Variants in GLI1 observed in about 807,000 individuals in gnomAD.
The protein encoded by GLI1 is GLI family zinc finger 1.
A neutral mutation model predicts 87.8 loss-of-function variants in GLI1; 51 were observed. That is an observed-to-expected ratio of 0.58 (90% CI 0.46 to 0.73). The LOEUF (loss-of-function observed/expected upper bound fraction) is 0.73, where lower values mean the gene tolerates loss of function less well. Among genes scored for constraint, GLI1 ranks in the 30% least tolerant of loss-of-function variants. GLI1 has a pLI of 0.00. For missense variants in GLI1, 1,292 were observed against 1,437.2 expected (o/e 0.90, Z 1.63); for synonymous variants, 528 against 558.2 (o/e 0.95, Z 0.76).
At chr12:57,460,736 T>TAA (rs1871082848) in intron 1 of GLI1, among the ~76,000 whole-genome samples, 1 of 125,036 alleles carries the variant, frequency 8.0e-6, no homozygotes, top group African/African-American at 3.2e-5. Context: ...GCTTGTGCTT[T>TAA]AGGGGAAAGG....
rs1871725641 is a variant in GLI1 at position 57,469,520 on chromosome 12, A to T, written c.1398A>T (p.Glu466Asp). 6.2e-7 allele frequency: 1 copy of T among 1,614,170 alleles called. No homozygotes were observed. The highest frequency in any genetic ancestry group is 1.7e-5 in the Admixed American group (1 of 60,012). Residue 466 changes from glutamate (E) to aspartate (D), a missense_variant, in exon 11 of 12, where the codon GAA becomes GAT. Physicochemically the swap from Glu to Asp is conservative, Grantham distance 45. Coordinates refer to ENST00000228682, the MANE Select transcript of GLI1 (RefSeq NM_005269.3). ...CAGCCAATACAGACAGTGGTGTGGA[A>T]ATGACTGGCAATGCAGGGGGCAGCA... is the stretch of plus-strand genomic sequence containing the variant. ...GSAANTDSGV[E>D]MTGNAGGSTE...
In GLI1 at chr12:57,472,067, A is replaced by T. The variant is rs912295731; in HGVS notation, c.*6A>T. The T allele has an allele frequency of 6.8e-7, 1 of 1,471,748 alleles. No homozygotes were observed. Among genetic ancestry groups the T allele is most frequent in the African/African-American group, 1.4e-5 (1 of 70,196 alleles). 91.2% of individuals were successfully genotyped at this position (1,471,748 alleles called of 1,614,324 possible). On this transcript the variant is annotated 3_prime_UTR_variant, in exon 12 of 12. Coordinates refer to ENST00000228682, the MANE Select transcript of GLI1 (RefSeq NM_005269.3). ...TCCTCAACTCTAGTGCCTAAAGAGT[A>T]GGGAATCTCATCCATCACAGATCGC...
At chr12:57,469,767 G>A (rs1871746602) in intron 11 of GLI1, 69 bp downstream of exon 11, 1 of 1,486,884 alleles carries the variant, frequency 6.7e-7, no homozygotes, top group Non-Finnish European at 9.3e-7. Context: ...AGAGGAGGAA[G>A]TCACCCTTGA....
chr12:57,462,040 C>T (rs1367964320), intron 1 of GLI1, among the ~76,000 whole-genome samples: 1 of 152,194 alleles, frequency 6.6e-6, no homozygotes, highest in African/African-American at 2.4e-5. Flanking sequence ...AGCCCCATTT[C>T]CTTGGAGGCT....
Position 57,469,535 on chromosome 12 carries a change from A to C in GLI1, c.1413A>C (p.Ala471=). The part of the protein sequence containing the change: ...TDSGVEMTGN[A]GGSTEDLSSL... ...GTGGTGTGGAAATGACTGGCAATGCAGGGGGCAGCACTGAAGACCTCTCCA... is the reference window on the plus strand; with the variant it reads ...GTGGTGTGGAAATGACTGGCAATGCCGGGGGCAGCACTGAAGACCTCTCCA... Residue 471 remains alanine, a synonymous_variant, in exon 11 of 12, where the codon GCA becomes GCC. Transcript: ENST00000228682. 1 of 1,614,218 alleles carries C rather than the reference A, an allele frequency of 6.2e-7. No individual in the cohort carries two copies. The highest frequency in any genetic ancestry group is 8.5e-7 in the Non-Finnish European group (1 of 1,180,026).
chr12:57,464,926 T>A, intron 4 of GLI1, 58 bp downstream of exon 4: 1 of 1,385,582 alleles, frequency 7.2e-7, no homozygotes, highest in South Asian at 1.2e-5. Flanking sequence ...CCATTAAAAG[T>A]CTCAAGCCCT....
At position 57,470,546 on chromosome 12, in the gene GLI1, G is replaced by C; in HGVS notation, c.1806G>C (p.Ser602=). ...RYASARGGGT[S]PTAASSLDRI... ...CTTCAGCCAGAGGGGGTGGTACTTCGCCCACTGCAGCATCCAGCCTGGATC... is the reference window on the plus strand; with the variant it reads ...CTTCAGCCAGAGGGGGTGGTACTTCCCCCACTGCAGCATCCAGCCTGGATC... The change falls in exon 12 of 12, where the codon TCG becomes TCC. Residue 602 remains serine (S), a synonymous_variant. Coordinates refer to ENST00000228682, the MANE Select transcript of GLI1 (RefSeq NM_005269.3). 1 of 1,613,974 alleles carries C rather than the reference G, an allele frequency of 6.2e-7. No homozygotes were observed. The highest frequency in any genetic ancestry group is 8.5e-7 in the Non-Finnish European group (1 of 1,179,958).
chr12:57,469,838 C>A, intron 11 of GLI1, 140 bp downstream of exon 11: 1 of 767,738 alleles, frequency 1.3e-6, no homozygotes, highest in Non-Finnish European at 2.1e-6. Flanking sequence ...AGACACTTTC[C>A]ATTTATCAGA....
chr12:57,463,060 A>G (rs983091571), intron 1 of GLI1, among the ~76,000 whole-genome samples: 10 of 152,346 alleles, frequency 6.6e-5, no homozygotes, highest in Admixed American at 2.0e-4. Flanking sequence ...CAATTAGTCC[A>G]AAACATGCCT....
intron 10 of GLI1, among the ~76,000 whole-genome samples, chr12:57,468,908 C>T (rs898541801): frequency 7.9e-5 from 12 of 152,204 alleles, no homozygotes; most frequent in Admixed American, 3.3e-4. Flanking sequence ...CCTGCCACCA[C>T]GCCGGGCTAA....
intron 11 of GLI1, 115 bp downstream of exon 11, chr12:57,469,813 T>C (rs929413218): frequency 5.5e-6 from 5 of 902,574 alleles, no homozygotes; most frequent in Non-Finnish European, 8.4e-6. Flanking sequence ...AATTAGAAAA[T>C]GGTGTCCTTC....
intron 1 of GLI1, among the ~76,000 whole-genome samples, chr12:57,462,908 G>C (rs757372901): frequency 3.9e-5 from 6 of 152,186 alleles, no homozygotes; most frequent in South Asian, 2.1e-4. Context: ...AAGGGGGAAC[G>C]GGCTCTAGCA....
At chr12:57,467,611 C>G in intron 9 of GLI1, 114 bp downstream of exon 9, 1 of 874,070 alleles carries the variant, frequency 1.1e-6, no homozygotes, top group Non-Finnish European at 1.7e-6. Context: ...GTCCCCCTCC[C>G]CACATAATTC....
Position 57,470,961 on chromosome 12 carries a change from G to T in GLI1, c.2221G>T (p.Glu741Ter). 3 of 1,613,840 alleles carry T rather than the reference G, an allele frequency of 1.9e-6. No individual in the cohort carries two copies. Among genetic ancestry groups the T allele is most frequent in the Non-Finnish European group, 2.5e-6 (3 of 1,179,860 alleles). Reference sequence around the variant, plus strand: ...TGGGGGACCTGAAGGGGCAGCAGCTGAGCCTTATGGAGCGAGGGGTCCAGG... The same window carrying T: ...TGGGGGACCTGAAGGGGCAGCAGCTTAGCCTTATGGAGCGAGGGGTCCAGG... The part of the protein sequence containing the change: ...GYGGPEGAAA[E>*]PYGARGPGSL... The change falls in exon 12 of 12, where the codon GAG becomes TAG. Residue 741 changes from glutamate to a stop codon, truncating the protein, a stop_gained. Transcript: ENST00000228682. LOFTEE classifies it high-confidence loss of function.
Position 57,469,344 on chromosome 12 carries a change from A to T in GLI1, c.1309-87A>T, listed in dbSNP as rs1871713028. 7 of 1,322,678 alleles carry T rather than the reference A, an allele frequency of 5.3e-6. No individual in the cohort carries two copies. In the South Asian group the frequency reaches 9.2e-5, roughly 17 times the overall value. 81.9% of individuals were successfully genotyped at this position (1,322,678 alleles called of 1,614,324 possible). On this transcript the variant is annotated intron_variant, in intron 10 of 11. Transcript: ENST00000228682. ...TTACAAGCTTCCTTGGAACCCCAGC[A>T]GTCACTGGGACACAGGCTTCAGCCA...
chr12:57,465,307 T>C, intron 5 of GLI1, 52 bp downstream of exon 5: 1 of 1,332,940 alleles, frequency 7.5e-7, no homozygotes, highest in South Asian at 1.3e-5. Context: ...GGTGGGTGGG[T>C]GGTGGATTTT....
In GLI1 at chr12:57,471,960, AC is replaced by A; in HGVS notation, c.3224del (p.Pro1075HisfsTer14). 1 of 1,604,364 alleles carries A rather than the reference AC, an allele frequency of 6.2e-7. No individual in the cohort carries two copies. The highest frequency in any genetic ancestry group is 8.5e-7 in the Non-Finnish European group (1 of 1,175,474). ...SHDQRGSSGH[T>X]PPPSGPPNMA... ...TGATCAGCGGGGCAGCTCTGGACAT[AC>A]CCCACCTCCCTCTGGGCCCCCCAAC... On this transcript the variant is annotated frameshift_variant, in exon 12 of 12. Transcript: ENST00000228682. LOFTEE classifies it high-confidence loss of function. This position sits in a 1 kb window ranked among gnomAD's most constrained non-coding sequence, Gnocchi z 4.9.
intron 1 of GLI1, among the ~76,000 whole-genome samples, chr12:57,463,390 G>T (rs982328862): frequency 6.6e-6 from 1 of 152,032 alleles, no homozygotes; most frequent in Admixed American, 6.6e-5. Context: ...GCTAATTTTT[G>T]TTTTTTTGTA....
At chr12:57,467,190 A>C in intron 8 of GLI1, 143 bp from the exon 9 acceptor site, 1 of 601,622 alleles carries the variant, frequency 1.7e-6, no homozygotes, top group Non-Finnish European at 2.8e-6. Flanking sequence ...CTTGTCCCCT[A>C]GTTTTGGGAA....
Sources: allele counts gnomAD v4.1 joint callset (sites outside exome capture counted in the v4.1 genomes callset), GRCh38; gene constraint gnomAD v4.1.1; non-coding constraint Gnocchi (gnomAD v3.1); transcripts MANE v1.5; gene names NCBI Gene and HGNC (gene_info 2026-07-23, HGNC 2026-07-21).